TMEM132B: variants seen among roughly 807,000 people sequenced by gnomAD.
TMEM132B encodes the protein transmembrane protein 132B.
TMEM132B carries 18 observed loss-of-function variants against 90.8 expected under a neutral mutation model. The ratio of observed to expected loss-of-function variants is 0.20; its 90% CI spans 0.14 to 0.29. The LOEUF is 0.29. Ranked by LOEUF, TMEM132B falls within the 10% of genes least tolerant of loss-of-function variation. TMEM132B has a pLI of 1.00. For synonymous variants in TMEM132B, 504 were observed against 523.3 expected, an observed-to-expected ratio of 0.96 and a Z score of 0.50; for missense variants, 1,096 against 1,326.8, an observed-to-expected ratio of 0.83 and a Z score of 2.70.
intron 4 of TMEM132B, among the ~76,000 whole-genome samples, chr12:125,582,977 GTTTGGA>G (rs140974630): frequency 0.024 from 3,687 of 152,262 alleles, 135 homozygotes; most frequent in African/African-American, 0.083. Flanking sequence ...ATGTCCATGA[GTTTGGA>G]TTTTATCTTA....
rs1055827905 is a variant in TMEM132B at position 125,376,401 on chromosome 12, A to G, written c.959+26058A>G. On this transcript the variant is annotated intron_variant, in intron 2 of 8. Transcript: ENST00000682704. ...TACAGATGGTACCCATGCTAAAGCA[A>G]AACAGAGTGACAGGGCACGGGATGC... 7.2e-5 allele frequency among the ~76,000 whole-genome samples: 11 copies of G among 152,198 alleles called. No homozygotes were observed. The East Asian group carries it at 2.1e-3, about 29-fold the overall frequency.
In TMEM132B at chr12:125,326,619, G is replaced by A. The variant is rs552915157; in HGVS notation, c.68-22833G>A. On this transcript the variant is annotated intron_variant, in intron 1 of 8. Transcript: ENST00000682704. ...CCCTCGCCTCAGCTCCAGACTCTAC[G>A]GGAAATGTTTGGTGCAGCATCCAGA... is the stretch of plus-strand genomic sequence containing the variant. 4.6e-4 allele frequency: 741 copies of A among 1,606,184 alleles called. 8 individuals carry two copies. The South Asian group carries it at 7.8e-3, about 17-fold the overall frequency.
chr12:125,530,023 T>C (rs1050932361), intron 4 of TMEM132B, among the ~76,000 whole-genome samples: 1 of 152,212 alleles, frequency 6.6e-6, no homozygotes, highest in African/African-American at 2.4e-5. Context: ...AGCGAGACCC[T>C]GTCTGTAACA....
chr12:125,384,944 GC>G (rs1404000239), intron 2 of TMEM132B, among the ~76,000 whole-genome samples: 1 of 152,084 alleles, frequency 6.6e-6, no homozygotes, highest in African/African-American at 2.4e-5. Flanking sequence ...GAGCCACCAT[GC>G]CCAGCCATTT....
chr12:125,527,437 T>TATTTACACTTCCATCCACCC (rs1883513898), intron 4 of TMEM132B, among the ~76,000 whole-genome samples: 1 of 21,636 alleles, frequency 4.6e-5, no homozygotes, highest in African/African-American at 2.2e-4. Context: ...TCCATCCACC[T>TATTTACACTTCCATCCACCC]ATTTACCCTT....
intron 3 of TMEM132B, among the ~76,000 whole-genome samples, chr12:125,505,195 A>AAAAAAAAAAAAAC (rs1183847146): frequency 6.8e-6 from 1 of 147,898 alleles, no homozygotes; most frequent in Admixed American, 6.7e-5. Context: ...AAAAAAAAAA[A>AAAAAAAAAAAAAC]CAGTAAGTGG....
At chr12:125,195,088 G>A (rs574470933) in intron 1 of TMEM132B, among the ~76,000 whole-genome samples, 3 of 152,120 alleles carry the variant, frequency 2.0e-5, no homozygotes, top group African/African-American at 7.2e-5. Context: ...CTCTGAACTC[G>A]CTGTAGCTGG....
At chr12:125,364,281 A>G (rs1270846710) in intron 2 of TMEM132B, among the ~76,000 whole-genome samples, 1 of 152,216 alleles carries the variant, frequency 6.6e-6, no homozygotes, top group East Asian at 1.9e-4. Context: ...TACATATTGG[A>G]AATATTTTAT....
intron 1 of TMEM132B, among the ~76,000 whole-genome samples, chr12:125,272,580 A>AG (rs2136120945): frequency 6.6e-6 from 1 of 152,270 alleles, no homozygotes; most frequent in East Asian, 1.9e-4. Flanking sequence ...TTAAAAAAAA[A>AG]ATAAACTCGA....
intron 4 of TMEM132B, among the ~76,000 whole-genome samples, chr12:125,526,594 G>A: frequency 6.6e-6 from 1 of 152,214 alleles, no homozygotes. Context: ...TTCAACCCCA[G>A]ACTTATGATT....
rs1305931745 is a variant in TMEM132B at position 125,209,188 on chromosome 12, A to G, written c.67+22322A>G. ...TGGGGATTAAAGGGAAGAAAAAGAA[A>G]AGGGGAAGCCTCTGGCCAGCCTGAG... On this transcript the variant is annotated intron_variant, in intron 1 of 8. Coordinates refer to ENST00000682704, the MANE Select transcript of TMEM132B (RefSeq NM_001366854.1). The surrounding 1 kb of genome is among the most constrained non-coding windows in gnomAD (Gnocchi z 4.4). Among the ~76,000 whole-genome samples the G allele has an allele frequency of 2.0e-5, 3 of 152,138 alleles. No homozygotes were observed. Among genetic ancestry groups the G allele is most frequent in the Admixed American group, 2.0e-4 (3 of 15,290 alleles).
intron 1 of TMEM132B, among the ~76,000 whole-genome samples, chr12:125,194,546 A>C (rs1216082092): frequency 6.6e-6 from 1 of 152,040 alleles, no homozygotes; most frequent in Non-Finnish European, 1.5e-5. Context: ...TGGCTCCCGG[A>C]GTCTGCGGCT....
intron 2 of TMEM132B, among the ~76,000 whole-genome samples, chr12:125,377,697 A>G (rs1878537736): frequency 6.6e-6 from 1 of 152,190 alleles, no homozygotes; most frequent in South Asian, 2.1e-4. Context: ...GGACGTCTGA[A>G]TATTTTCAAA....
At chr12:125,612,198 A>T (rs953658694) in intron 5 of TMEM132B, among the ~76,000 whole-genome samples, 2 of 152,166 alleles carry the variant, frequency 1.3e-5, no homozygotes, top group Non-Finnish European at 2.9e-5. Context: ...CAATAAGGCC[A>T]GGCACGGTGG....
At chr12:125,427,061 A>T (rs1393288237) in intron 3 of TMEM132B, among the ~76,000 whole-genome samples, 1 of 152,242 alleles carries the variant, frequency 6.6e-6, no homozygotes, top group African/African-American at 2.4e-5. Context: ...ACCATTCTGT[A>T]TGTAATATTA....
At chr12:125,618,708 G>T (rs1297444600) in intron 5 of TMEM132B, among the ~76,000 whole-genome samples, 8 of 151,970 alleles carry the variant, frequency 5.3e-5, no homozygotes, top group African/African-American at 1.9e-4. Flanking sequence ...CTCCAATTAT[G>T]ATTGTTTTGG....
intron 4 of TMEM132B, among the ~76,000 whole-genome samples, chr12:125,522,233 A>G (rs753666063): frequency 6.6e-6 from 1 of 152,152 alleles, no homozygotes; most frequent in Admixed American, 6.5e-5. Flanking sequence ...TGCAGATCCC[A>G]TCACAGTCTG....
chr12:125,497,847 G>A (rs1297374609), intron 3 of TMEM132B, among the ~76,000 whole-genome samples: 1 of 152,216 alleles, frequency 6.6e-6, no homozygotes. Context: ...AGGAGTTGGG[G>A]TTGAGCAGCC....
intron 2 of TMEM132B, among the ~76,000 whole-genome samples, chr12:125,389,368 C>T (rs1237441369): frequency 6.7e-6 from 1 of 148,708 alleles, no homozygotes; most frequent in Non-Finnish European, 1.5e-5. Flanking sequence ...CTCCCCTTCC[C>T]TTCCTTTTCA....
Sources: gnomAD v4.1 joint callset for allele counts (sites outside exome capture counted in the v4.1 genomes callset) on GRCh38, gnomAD v4.1.1 for gene constraint, Gnocchi (gnomAD v3.1) non-coding constraint, MANE v1.5 for transcripts, NCBI Gene and HGNC (gene_info 2026-07-23, HGNC 2026-07-21) for gene names.